Variants in CDH18 observed in about 807,000 individuals in gnomAD.
CDH18 encodes the protein cadherin 18.
A neutral mutation model predicts 67.9 loss-of-function variants in CDH18; 31 were observed. That is an observed-to-expected ratio of 0.46 (90% CI 0.34 to 0.62). The LOEUF is 0.62. Among genes scored for constraint, CDH18 ranks in the 20% least tolerant of loss-of-function variants. CDH18 has a pLI of 0.01. For missense variants in CDH18, 890 were observed against 975.5 expected, an observed-to-expected ratio of 0.91 and a Z score of 1.17; for synonymous variants, 362 against 347.2, an observed-to-expected ratio of 1.04 and a Z score of -0.48.
chr5:20,144,830 C>T (rs1384289597), intron 2 of CDH18, among the ~76,000 whole-genome samples: 1 of 152,068 alleles, frequency 6.6e-6, no homozygotes, highest in Non-Finnish European at 1.5e-5. Context: ...ACCAAGATGA[C>T]TGGGATTCTT....
intron 1 of CDH18, among the ~76,000 whole-genome samples, chr5:20,463,879 A>C (rs767309333): frequency 1.3e-5 from 2 of 152,122 alleles, no homozygotes; most frequent in East Asian, 1.9e-4. Context: ...TGCTACTAAG[A>C]ATATGTCTTA....
chr5:20,155,046 A>T (rs1283305133), intron 2 of CDH18, among the ~76,000 whole-genome samples: 1 of 152,144 alleles, frequency 6.6e-6, no homozygotes, highest in Non-Finnish European at 1.5e-5. Flanking sequence ...TTGCAAATGG[A>T]TGAGTTGATT....
At chr5:20,347,816 T>C (rs1185591495) in intron 1 of CDH18, among the ~76,000 whole-genome samples, 2 of 152,156 alleles carry the variant, frequency 1.3e-5, no homozygotes, top group Non-Finnish European at 2.9e-5. Context: ...GAGGAACATT[T>C]ACCTCTCCCA....
At chr5:20,193,916 C>G (rs78059835) in intron 2 of CDH18, among the ~76,000 whole-genome samples, 1 of 152,012 alleles carries the variant, frequency 6.6e-6, no homozygotes, top group South Asian at 2.1e-4. Flanking sequence ...ATGTTAAAAA[C>G]TCTCAATAAA....
intron 2 of CDH18, among the ~76,000 whole-genome samples, chr5:20,012,314 C>A (rs1358608797): frequency 7.6e-6 from 1 of 131,514 alleles, no homozygotes; most frequent in Non-Finnish European, 1.6e-5. Flanking sequence ...TTACTTGAAT[C>A]TTCTCTCTTT....
At chr5:20,365,467 C>T (rs1742436374) in intron 1 of CDH18, among the ~76,000 whole-genome samples, 1 of 152,130 alleles carries the variant, frequency 6.6e-6, no homozygotes, top group Non-Finnish European at 1.5e-5. Flanking sequence ...TACTGATATA[C>T]TTCAATATAT....
Position 19,471,480 on chromosome 5 carries a change from C to G in CDH18, c.*1746G>C, listed in dbSNP as rs1269791974. ...GAAACAGACAGAAAATGTCATATAA[C>G]TTTTGGGGACACTGATAATGATAAA... is the stretch of plus-strand genomic sequence containing the variant. On this transcript the variant is annotated 3_prime_UTR_variant, in exon 13 of 13. Transcript: ENST00000382275. 2.0e-5 allele frequency among the ~76,000 whole-genome samples: 3 copies of G among 151,866 alleles called. No individual in the cohort carries two copies.
chr5:19,577,951 G>A (rs539141267), intron 7 of CDH18, among the ~76,000 whole-genome samples: 5 of 152,238 alleles, frequency 3.3e-5, no homozygotes, highest in Admixed American at 2.6e-4. Context: ...AATGTGATGC[G>A]GTCATATGAC....
intron 2 of CDH18, among the ~76,000 whole-genome samples, chr5:20,250,589 CTTTTTTTTTTTTTTT>C (rs70954644): frequency 8.9e-5 from 3 of 33,548 alleles, no homozygotes; most frequent in African/African-American, 4.6e-4. Context: ...CGGCCCATGG[CTTTTTTTTTTTTTTT>C]TTTTTTTTTT....
intron 3 of CDH18, among the ~76,000 whole-genome samples, chr5:19,825,562 C>T (rs1385562777): frequency 6.6e-6 from 1 of 152,046 alleles, no homozygotes; most frequent in Non-Finnish European, 1.5e-5. Flanking sequence ...GAGGGAGCTG[C>T]ATAGACCAGA....
At chr5:20,241,944 T>C (rs1242470075) in intron 2 of CDH18, among the ~76,000 whole-genome samples, 1 of 148,064 alleles carries the variant, frequency 6.8e-6, no homozygotes, top group East Asian at 1.9e-4. Context: ...ACTCTCAATA[T>C]TTGCAGCTAA....
intron 2 of CDH18, among the ~76,000 whole-genome samples, chr5:20,099,091 T>G (rs966390909): frequency 6.6e-6 from 1 of 152,218 alleles, no homozygotes; most frequent in Non-Finnish European, 1.5e-5. Context: ...TTTAGACACT[T>G]GCAAAGATGT....
intron 5 of CDH18, among the ~76,000 whole-genome samples, chr5:19,678,454 C>G (rs912518843): frequency 6.6e-6 from 1 of 151,712 alleles, no homozygotes; most frequent in Non-Finnish European, 1.5e-5. Flanking sequence ...ATACAACATA[C>G]CCAAATCACT....
chr5:20,497,978 C>T (rs1262784525), intron 1 of CDH18, among the ~76,000 whole-genome samples: 1 of 152,020 alleles, frequency 6.6e-6, no homozygotes, highest in African/African-American at 2.4e-5. Flanking sequence ...CTGTCTTGCC[C>T]TTTCCCCCTG....
chr5:20,473,184 G>A (rs1752205562), intron 1 of CDH18, among the ~76,000 whole-genome samples: 1 of 151,740 alleles, frequency 6.6e-6, no homozygotes, highest in Non-Finnish European at 1.5e-5. Context: ...TTAATGTTTT[G>A]TTCTACTTAA....
chr5:20,089,098 A>G (rs1745215536), intron 2 of CDH18, among the ~76,000 whole-genome samples: 1 of 151,942 alleles, frequency 6.6e-6, no homozygotes, highest in South Asian at 2.1e-4. Context: ...CTTTAAAAAG[A>G]TCTTCTGAAA....
intron 2 of CDH18, among the ~76,000 whole-genome samples, chr5:20,050,223 T>G (rs952013620): frequency 9.9e-5 from 15 of 151,884 alleles, no homozygotes. Flanking sequence ...TCTATTGTAT[T>G]TTGTCTTTTT....
intron 2 of CDH18, among the ~76,000 whole-genome samples, chr5:20,074,827 G>A (rs996947572): frequency 1.3e-5 from 2 of 151,790 alleles, no homozygotes; most frequent in African/African-American, 2.4e-5. Context: ...AGTTCTTTGG[G>A]CATTAAAATG....
chr5:19,887,201 A>G (rs1014183976), intron 2 of CDH18, among the ~76,000 whole-genome samples: 2 of 150,782 alleles, frequency 1.3e-5, no homozygotes, highest in Non-Finnish European at 3.0e-5. Context: ...TTTCACATAC[A>G]ACTTATAATT....
Sources: gnomAD v4.1 joint callset for allele counts (sites outside exome capture counted in the v4.1 genomes callset) on GRCh38, gnomAD v4.1.1 for gene constraint, MANE v1.5 for transcripts, NCBI Gene and HGNC (gene_info 2026-07-23, HGNC 2026-07-21) for gene names.